Variants in GRIK3 observed in about 807,000 individuals in gnomAD.
GRIK3 encodes glutamate ionotropic receptor kainate type subunit 3.
In GRIK3, 29 loss-of-function variants were observed where a neutral mutation model predicts 102.5. The ratio of observed to expected loss-of-function variants is 0.28; its 90% CI spans 0.21 to 0.39. GRIK3 has a LOEUF of 0.39. GRIK3 is among the 10% of genes least tolerant of loss of function. The probability of loss-of-function intolerance (pLI) is 1.00; values close to 1 mark genes in which losing one functional copy is unlikely to be tolerated. For missense variants in GRIK3, 908 were observed against 1,252.4 expected, an observed-to-expected ratio of 0.73 and a Z score of 4.15; for synonymous variants, 511 against 504.9, an observed-to-expected ratio of 1.01 and a Z score of -0.16.
Position 36,813,369 on chromosome 1 carries a change from T to C in GRIK3, c.2091+3691A>G, listed in dbSNP as rs558849603. On this transcript the variant is annotated intron_variant, in intron 13 of 15. Transcript: ENST00000373091. ...TTACTGTTATTGTTGACTTTGCCAA[T>C]GTCTCCTAGACATCTGATGGCTCCT... 5.2e-5 allele frequency among the ~76,000 whole-genome samples: 8 copies of C among 152,394 alleles called. No homozygotes were observed. In the South Asian group the frequency reaches 1.7e-3, roughly 32 times the overall value.
At position 36,899,593 on chromosome 1, in the gene GRIK3, T is replaced by C. The variant is rs778158492; in HGVS notation, c.116-8497A>G. Among the ~76,000 whole-genome samples the C allele has an allele frequency of 3.9e-5, 6 of 152,290 alleles. No homozygotes were observed. The East Asian group carries it at 1.2e-3, about 29-fold the overall frequency. ...CAGTTTTACAAGATGAAAAGAGTTATGGAGATGAGTGGTGCTGATGGTTGC... is the reference window on the plus strand; with the variant it reads ...CAGTTTTACAAGATGAAAAGAGTTACGGAGATGAGTGGTGCTGATGGTTGC... On this transcript the variant is annotated intron_variant, in intron 1 of 15. Transcript: ENST00000373091.
chr1:36,921,021 G>A (rs1229006982), intron 1 of GRIK3, among the ~76,000 whole-genome samples: 1 of 152,238 alleles, frequency 6.6e-6, no homozygotes, highest in Non-Finnish European at 1.5e-5. Context: ...TGGAAAGCAA[G>A]TGCCCATCTG....
intron 1 of GRIK3, among the ~76,000 whole-genome samples, chr1:36,954,075 G>A (rs116709792): frequency 2.0e-5 from 3 of 152,206 alleles, no homozygotes; most frequent in Non-Finnish European, 4.4e-5. Flanking sequence ...TAGGTGCAAG[G>A]GGTCAAGGGG....
chr1:36,949,751 T>C (rs1454025431), intron 1 of GRIK3, among the ~76,000 whole-genome samples: 1 of 151,970 alleles, frequency 6.6e-6, no homozygotes, highest in Non-Finnish European at 1.5e-5. Flanking sequence ...ATACTTTTTG[T>C]ATATTTATTA....
At chr1:36,941,168 G>A (rs1353422155) in intron 1 of GRIK3, among the ~76,000 whole-genome samples, 1 of 152,116 alleles carries the variant, frequency 6.6e-6, no homozygotes, top group African/African-American at 2.4e-5. Context: ...GATCAGGATG[G>A]ACTCTCATGA....
In GRIK3 at chr1:37,000,002, A is replaced by C. The variant is rs1642458935; in HGVS notation, c.115+33992T>G. ...ACAGAGCGAGACTCCGTCTCAGAAA[A>C]AAAAAGAGAACTTAATATTACTGAG... On this transcript the variant is annotated intron_variant, in intron 1 of 15. Transcript: ENST00000373091. 1.3e-5 allele frequency among the ~76,000 whole-genome samples: 2 copies of C among 152,196 alleles called. 1 individual carries two copies. The highest frequency in any genetic ancestry group is 4.1e-4 in the South Asian group (2 of 4,830).
At chr1:36,990,267 G>A (rs1051306562) in intron 1 of GRIK3, among the ~76,000 whole-genome samples, 1 of 152,168 alleles carries the variant, frequency 6.6e-6, no homozygotes, top group South Asian at 2.1e-4. Flanking sequence ...CACCCGACTG[G>A]GCACCTCCTG....
At chr1:36,968,893 A>C (rs1414200824) in intron 1 of GRIK3, among the ~76,000 whole-genome samples, 1 of 152,236 alleles carries the variant, frequency 6.6e-6, no homozygotes, top group Non-Finnish European at 1.5e-5. Context: ...GAGCAAACAG[A>C]ATGACTCATC....
chr1:36,888,289 T>C (rs1055135459), intron 2 of GRIK3, among the ~76,000 whole-genome samples: 1 of 151,532 alleles, frequency 6.6e-6, no homozygotes, highest in African/African-American at 2.4e-5. Flanking sequence ...CTTAAAAGAG[T>C]AGACACTGAA....
chr1:36,881,688 A>G lies in GRIK3; in HGVS notation c.293-797T>C, dbSNP rs578215798. On this transcript the variant is annotated intron_variant, in intron 2 of 15. Transcript: ENST00000373091. Reference sequence around the variant, plus strand: ...TCATCCTCCCTCCTGTCTATTCTGCACTCAGCAGCCAGGGTGAGACTTCCA... The same window carrying G: ...TCATCCTCCCTCCTGTCTATTCTGCGCTCAGCAGCCAGGGTGAGACTTCCA... Among the ~76,000 whole-genome samples the G allele has an allele frequency of 3.3e-5, 5 of 152,252 alleles. No individual in the cohort carries two copies. In the South Asian group the frequency reaches 1.0e-3, roughly 32 times the overall value.
At chr1:36,978,558 C>T (rs1051317801) in intron 1 of GRIK3, among the ~76,000 whole-genome samples, 2 of 152,222 alleles carry the variant, frequency 1.3e-5, no homozygotes, top group Admixed American at 6.5e-5. Flanking sequence ...GATTAATCTA[C>T]TGATCTGGGC....
chr1:36,830,258 G>T (rs1640241839), intron 10 of GRIK3, among the ~76,000 whole-genome samples: 1 of 152,140 alleles, frequency 6.6e-6, no homozygotes, highest in African/African-American at 2.4e-5. Context: ...GTTTAAACTG[G>T]TAAGTGGCTG....
intron 1 of GRIK3, among the ~76,000 whole-genome samples, chr1:36,957,437 T>TGAGCCTGTGTGCC (rs1557440313): frequency 7.5e-3 from 121 of 16,238 alleles, no homozygotes; most frequent in Non-Finnish European, 0.013. Flanking sequence ...GCCTCTGTGC[T>TGAGCCTGTGTGCC]CTGTGAGTCT....
intron 10 of GRIK3, among the ~76,000 whole-genome samples, chr1:36,840,134 C>G (rs548623814): frequency 6.6e-6 from 1 of 152,118 alleles, no homozygotes; most frequent in Non-Finnish European, 1.5e-5. Flanking sequence ...GGCTCCACCA[C>G]TTCATCTCTT....
Position 36,921,279 on chromosome 1 carries a change from G to A in GRIK3, c.116-30183C>T, listed in dbSNP as rs185604816. Among the ~76,000 whole-genome samples the A allele has an allele frequency of 3.1e-3, 478 of 152,334 alleles. 5 individuals carry two copies. The highest frequency in any genetic ancestry group is 0.011 in the African/African-American group (459 of 41,564). ...AGAGGCCAACCAAGTAGGCTCCGCA[G>A]AGGTTCAGATCCCAGCTCCTCTGCC... On this transcript the variant is annotated intron_variant, in intron 1 of 15. Coordinates refer to ENST00000373091, the MANE Select transcript of GRIK3 (RefSeq NM_000831.4).
chr1:36,851,603 G>A (rs970971090), intron 8 of GRIK3, among the ~76,000 whole-genome samples: 2 of 152,380 alleles, frequency 1.3e-5, no homozygotes, highest in East Asian at 1.9e-4. Context: ...CCAACTGCAT[G>A]CTCTGTTAGA....
chr1:36,853,147 A>G (rs574738612), intron 8 of GRIK3, among the ~76,000 whole-genome samples: 5 of 152,336 alleles, frequency 3.3e-5, no homozygotes, highest in Non-Finnish European at 5.9e-5. Flanking sequence ...CAACTGCTCT[A>G]TCTTTGCTTA....
intron 4 of GRIK3, among the ~76,000 whole-genome samples, chr1:36,871,172 T>C (rs1431569089): frequency 2.6e-5 from 4 of 152,184 alleles, no homozygotes; most frequent in African/African-American, 7.2e-5. Flanking sequence ...CTGGGCCTCT[T>C]GCTCCAGGGC....
At chr1:36,965,009 G>C (rs539639292) in intron 1 of GRIK3, among the ~76,000 whole-genome samples, 1 of 152,292 alleles carries the variant, frequency 6.6e-6, no homozygotes, top group African/African-American at 2.4e-5. Context: ...TTATCACATA[G>C]CAGTGCTGCC....
Sources: gnomAD v4.1 joint callset for allele counts (sites outside exome capture counted in the v4.1 genomes callset) on GRCh38, gnomAD v4.1.1 for gene constraint, MANE v1.5 for transcripts, NCBI Gene and HGNC (gene_info 2026-07-23, HGNC 2026-07-21) for gene names.